C1orf21: variants seen among roughly 807,000 people sequenced by gnomAD.
The protein encoded by C1orf21 is uncharacterized protein C1orf21.
C1orf21 carries 3 observed loss-of-function variants against 18.7 expected under a neutral mutation model. The observed-to-expected ratio is 0.16, with a 90% CI of 0.07 to 0.42. C1orf21 has a LOEUF of 0.42. Among genes scored for constraint, C1orf21 ranks in the 10% least tolerant of loss-of-function variants. The pLI is 0.99. For synonymous variants in C1orf21, 41 were observed against 46.4 expected (o/e 0.88, Z 0.47); for missense variants, 104 against 143.6 (o/e 0.72, Z 1.41).
intron 1 of C1orf21, among the ~76,000 whole-genome samples, chr1:184,409,547 A>T (rs1211150602): frequency 6.6e-6 from 1 of 152,220 alleles, no homozygotes; most frequent in Non-Finnish European, 1.5e-5. Context: ...GACCAAAATA[A>T]TATAACCATC....
chr1:184,531,480 C>CCT (rs1658461870), intron 3 of C1orf21, among the ~76,000 whole-genome samples: 4 of 152,100 alleles, frequency 2.6e-5, no homozygotes, highest in Admixed American at 6.6e-5. Context: ...CTGGTCTGTT[C>CCT]CTGTGTCTTA....
At chr1:184,539,087 G>A (rs1053193510) in intron 3 of C1orf21, among the ~76,000 whole-genome samples, 1 of 152,114 alleles carries the variant, frequency 6.6e-6, no homozygotes, top group Non-Finnish European at 1.5e-5. Flanking sequence ...GATATTAGAG[G>A]GGAAGATTTT....
chr1:184,424,852 A>G (rs1571351603), intron 1 of C1orf21, among the ~76,000 whole-genome samples: 2 of 152,236 alleles, frequency 1.3e-5, no homozygotes, highest in Middle Eastern at 6.8e-3. Context: ...ATTTACCATA[A>G]TCTCCAACTG....
At chr1:184,590,873 C>A in intron 4 of C1orf21, 58 bp downstream of exon 4, 2 of 1,411,952 alleles carry the variant, frequency 1.4e-6, no homozygotes, top group Non-Finnish European at 2.0e-6. Flanking sequence ...ATGGATTCTG[C>A]ATCTGTGGAT....
intron 3 of C1orf21, among the ~76,000 whole-genome samples, chr1:184,590,426 T>C (rs1659421223): frequency 6.6e-6 from 1 of 152,252 alleles, no homozygotes; most frequent in South Asian, 2.1e-4. Flanking sequence ...CTGCTGTTTC[T>C]CTTGATACTA....
chr1:184,410,659 ATATATTT>A (rs1220736817), intron 1 of C1orf21, among the ~76,000 whole-genome samples: 2 of 6,090 alleles, frequency 3.3e-4, no homozygotes, highest in African/African-American at 3.4e-3. Context: ...ATATATATAT[ATATATTT>A]TTTTTTTTTT....
At chr1:184,592,108 G>A (rs542497327) in intron 4 of C1orf21, 53 of 152,256 alleles carry the variant, frequency 3.5e-4, no homozygotes, top group African/African-American at 1.2e-3. Flanking sequence ...CTGACCAAAT[G>A]GAGGACAGTG....
chr1:184,505,838 A>G (rs866712906), intron 2 of C1orf21, among the ~76,000 whole-genome samples: 1 of 152,200 alleles, frequency 6.6e-6, no homozygotes, highest in South Asian at 2.1e-4. Flanking sequence ...TAATGTCCCA[A>G]ACTGAAGTTA....
At chr1:184,452,234 T>G (rs1020608550) in intron 1 of C1orf21, among the ~76,000 whole-genome samples, 1 of 152,222 alleles carries the variant, frequency 6.6e-6, no homozygotes, top group Admixed American at 6.5e-5. Context: ...CAATGAAAGA[T>G]GATGGTATGG....
At chr1:184,588,857 T>G (rs1017763654) in intron 3 of C1orf21, among the ~76,000 whole-genome samples, 37 of 152,178 alleles carry the variant, frequency 2.4e-4, no homozygotes, top group African/African-American at 8.9e-4. Context: ...TTTCTTCCTG[T>G]TGCCTCTGTC....
intron 1 of C1orf21, among the ~76,000 whole-genome samples, chr1:184,460,849 G>A (rs1657298068): frequency 1.3e-5 from 2 of 151,810 alleles, no homozygotes; most frequent in Middle Eastern, 3.4e-3. Context: ...GCCAATGTGT[G>A]TGAAAGGCAA....
chr1:184,409,394 G>A (rs1219848344), intron 1 of C1orf21, among the ~76,000 whole-genome samples: 1 of 152,160 alleles, frequency 6.6e-6, no homozygotes, highest in Non-Finnish European at 1.5e-5. Context: ...TGTGGGCTGC[G>A]GGTAGGGGGA....
intron 3 of C1orf21, among the ~76,000 whole-genome samples, chr1:184,532,074 T>C (rs1034517096): frequency 7.2e-5 from 11 of 152,044 alleles, no homozygotes; most frequent in African/African-American, 2.7e-4. Flanking sequence ...GAGGAAGCTC[T>C]CCCTTTCTAT....
chr1:184,493,446 C>T (rs992875860), intron 2 of C1orf21, among the ~76,000 whole-genome samples: 7 of 152,170 alleles, frequency 4.6e-5, no homozygotes, highest in Non-Finnish European at 1.0e-4. Flanking sequence ...TAATTAATTC[C>T]TTCAAATTGC....
At chr1:184,478,066 G>A in intron 2 of C1orf21, among the ~76,000 whole-genome samples, 1 of 151,938 alleles carries the variant, frequency 6.6e-6, no homozygotes, top group East Asian at 1.9e-4. Context: ...GGTTTTTTTT[G>A]CAGGAGCTAG....
chr1:184,592,833 G>T (rs575060551), intron 4 of C1orf21, among the ~76,000 whole-genome samples: 3 of 152,280 alleles, frequency 2.0e-5, no homozygotes, highest in African/African-American at 2.4e-5. Flanking sequence ...GAGACCTCAG[G>T]GGGTAGGTAA....
intron 2 of C1orf21, among the ~76,000 whole-genome samples, chr1:184,482,996 G>A (rs1334759876): frequency 1.3e-5 from 2 of 152,282 alleles, no homozygotes; most frequent in East Asian, 3.9e-4. Flanking sequence ...GAAAATTTAG[G>A]AAATCATTGA....
chr1:184,502,251 G>A (rs921117527), intron 2 of C1orf21, among the ~76,000 whole-genome samples: 3 of 152,158 alleles, frequency 2.0e-5, no homozygotes, highest in Non-Finnish European at 4.4e-5. Flanking sequence ...ATGAGAGTCC[G>A]CTTGTGCCTT....
intron 3 of C1orf21, among the ~76,000 whole-genome samples, chr1:184,586,598 TGGGGGTTGTTTGG>T (rs1659357686): frequency 6.6e-6 from 1 of 152,148 alleles, no homozygotes; most frequent in Admixed American, 6.5e-5. Context: ...CACTTTTTAA[TGGGGGTTGTTTGG>T]GGGTTTTTTT....
Sources: gnomAD v4.1 joint callset for allele counts (sites outside exome capture counted in the v4.1 genomes callset) on GRCh38, gnomAD v4.1.1 for gene constraint, MANE v1.5 for transcripts, NCBI Gene and HGNC (gene_info 2026-07-23, HGNC 2026-07-21) for gene names.